NBPF20: variants seen among roughly 807,000 people sequenced by gnomAD.
NBPF20 encodes the protein NBPF family member NBPF20.
Under a neutral mutation model 68.1 loss-of-function variants are expected in NBPF20, and 90 were observed. The observed-to-expected ratio is 1.32, with a 90% CI of 1.11 to 1.58. The LOEUF (loss-of-function observed/expected upper bound fraction) is 1.58, where lower values mean the gene tolerates loss of function less well. Ranked by LOEUF, NBPF20 falls within the 40% of genes most tolerant of loss-of-function variation. NBPF20 has a pLI of 0.00. For missense variants in NBPF20, 816 were observed against 601.2 expected (o/e 1.36, Z -3.74); for synonymous variants, 290 against 228.1 (o/e 1.27, Z -2.45).
rs1415597607 is a variant in NBPF20, at chr1:145,292,502, C to A, written c.16589-13G>T. On this transcript the variant is annotated splice_polypyrimidine_tract_variant and intron_variant, in intron 136 of 137. Transcript: ENST00000369373. ...TTCTTTTCAATTTCTGCAATAAATT[C>A]AGACATGGACAGACACATTAAGCTG... is the stretch of plus-strand genomic sequence containing the variant. 4.3e-6 allele frequency: 3 copies of A among 697,964 alleles called. No individual in the cohort carries two copies. The African/African-American group carries it at 6.3e-5, about 15-fold the overall frequency. 43.2% of individuals were successfully genotyped at this position (697,964 alleles called of 1,614,324 possible).
In NBPF20 at chr1:145,296,058, A is replaced by T. The variant is rs1374432629; in HGVS notation, c.16138+280T>A. 1.8e-5 allele frequency: 3 copies of T among 164,218 alleles called. 1 individual carries two copies. The highest frequency in any genetic ancestry group is 3.0e-5 in the Non-Finnish European group (3 of 99,702). 10.2% of individuals were successfully genotyped at this position (164,218 alleles called of 1,614,324 possible). ...ATCTACAAAATTGAGACAAAATCAG[A>T]GTTGTGTGAATTTGTCACATCTGCC... On this transcript the variant is annotated intron_variant, in intron 132 of 137. Coordinates refer to ENST00000369373, the Ensembl canonical transcript of NBPF20.
intron 129 of NBPF20, among the ~76,000 whole-genome samples, chr1:145,298,371 G>GACAC (rs1194170645): frequency 1.4e-5 from 2 of 139,024 alleles, no homozygotes; most frequent in South Asian, 2.3e-4. Context: ...CACACACACA[G>GACAC]ACACACACAC....
chr1:145,394,790 G>A (rs1362283968), intron 8 of NBPF20, among the ~76,000 whole-genome samples, 188 bp downstream of exon 13: 1 of 152,186 alleles, frequency 6.6e-6, no homozygotes, highest in Non-Finnish European at 1.5e-5. Flanking sequence ...AGAGAGCAAA[G>A]CTCACTGACC....
At chr1:145,400,537 G>A in exon 6 of NBPF20, 1 of 1,612,826 alleles carries the variant, frequency 6.2e-7, no homozygotes, top group African/African-American at 1.3e-5. Context: ...AATAAGTGAT[G>A]GCACATTCCT....
intron 9 of NBPF20, chr1:145,393,651 G>A (rs1418075613): frequency 3.3e-5 from 38 of 1,135,500 alleles, no homozygotes; most frequent in Non-Finnish European, 4.6e-5. Context: ...GTTACCATGA[G>A]AATACAGCTT....
chr1:145,394,082 A>C, intron 8 of NBPF20, 147 bp from the exon 14 acceptor site: 1 of 643,624 alleles, frequency 1.6e-6, no homozygotes, highest in East Asian at 2.6e-5. Context: ...AGTAGGCCTG[A>C]GGTCAAGTCT....
intron 9 of NBPF20, among the ~76,000 whole-genome samples, 184 bp from the exon 15 acceptor site, chr1:145,393,430 G>GAA (rs1364374335): frequency 1.6e-4 from 24 of 146,158 alleles, no homozygotes; most frequent in African/African-American, 6.2e-4. Context: ...GGATGAAAGA[G>GAA]AGAGACACAC....
exon 30 of NBPF20, chr1:145,377,396 C>A: frequency 3.9e-6 from 1 of 255,722 alleles, no homozygotes; most frequent in South Asian, 2.7e-5. Flanking sequence ...GTGAGTCCTG[C>A]AAGACTTCAG....
At chr1:145,409,603 C>T (rs587711540), upstream of NBPF20, among the ~76,000 whole-genome samples, 75 of 145,046 alleles carry the variant, frequency 5.2e-4, 1 homozygote, top group East Asian at 0.013. Context: ...TGAAGAAACT[C>T]CCCAGGCCTC....
At chr1:145,410,736 G>GTA in the NBPF20 span, among the ~76,000 whole-genome samples, 6 of 139,872 alleles carry the variant, frequency 4.3e-5, no homozygotes, top group African/African-American at 1.6e-4. Flanking sequence ...GTGCCTGTCT[G>GTA]TGTATATATA....
upstream of NBPF20, among the ~76,000 whole-genome samples, chr1:145,405,959 C>T (rs1411313230): frequency 6.6e-6 from 1 of 150,632 alleles, no homozygotes; most frequent in East Asian, 1.9e-4. Flanking sequence ...CACTCTGTCG[C>T]CCAGGCTGGA....
upstream of NBPF20, among the ~76,000 whole-genome samples, chr1:145,406,032 C>T (rs1662763047): frequency 6.6e-6 from 1 of 150,594 alleles, no homozygotes; most frequent in Non-Finnish European, 1.5e-5. Context: ...TATTCTCCTG[C>T]CTCAGACTCC....
exon 9 of NBPF20, chr1:145,393,905 T>A: frequency 3.3e-6 from 5 of 1,529,142 alleles, no homozygotes; most frequent in Admixed American, 3.3e-5. Flanking sequence ...TGCCTCTTGG[T>A]CCTCCTTTTT....
chr1:145,405,440 C>G (rs1218299541), exon 1 of NBPF20: 55 of 1,572,720 alleles, frequency 3.5e-5, no homozygotes, highest in Non-Finnish European at 4.2e-5. Context: ...CTCCCCACAG[C>G]ACTTTAGGAT....
At chr1:145,394,083 G>T (rs1430879781) in intron 8 of NBPF20, 148 bp from the exon 14 acceptor site, 3 of 640,548 alleles carry the variant, frequency 4.7e-6, no homozygotes, top group East Asian at 2.6e-5. Context: ...GTAGGCCTGA[G>T]GTCAAGTCTT....
At chr1:145,394,650 A>T (rs2101540261) in intron 8 of NBPF20, among the ~76,000 whole-genome samples, 1 of 152,190 alleles carries the variant, frequency 6.6e-6, no homozygotes, top group South Asian at 2.1e-4. Flanking sequence ...CATTTAATTC[A>T]GATGAGCTGA....
intron 8 of NBPF20, among the ~76,000 whole-genome samples, chr1:145,394,397 T>C (rs1419054894): frequency 4.6e-5 from 7 of 152,196 alleles, no homozygotes; most frequent in African/African-American, 1.7e-4. Flanking sequence ...GCATCAGCTA[T>C]TATGGCTTTT....
At chr1:145,404,088 C>T (rs1553666264) in intron 2 of NBPF20, among the ~76,000 whole-genome samples, 2 of 132,062 alleles carry the variant, frequency 1.5e-5, no homozygotes, top group African/African-American at 3.0e-5. Context: ...ATGGATGGAG[C>T]CCAGGAGACA....
chr1:145,292,553 C>A (rs1202939890), intron 136 of NBPF20, 64 bp from the exon 142 acceptor site: 3 of 714,530 alleles, frequency 4.2e-6, no homozygotes, highest in Middle Eastern at 7.8e-4. Context: ...TAACAATCCA[C>A]TGTCTAATCC....
Sources: gnomAD v4.1 joint callset for allele counts (sites outside exome capture counted in the v4.1 genomes callset) on GRCh38, gnomAD v4.1.1 for gene constraint, MANE v1.5 for transcripts, NCBI Gene and HGNC (gene_info 2026-07-23, HGNC 2026-07-21) for gene names.